Variants in SCMH1 observed in about 807,000 individuals in gnomAD.
SCMH1 encodes the protein polycomb protein SCMH1.
SCMH1 carries 37 observed loss-of-function variants against 70.8 expected under a neutral mutation model. That is an observed-to-expected ratio of 0.52 (90% CI 0.40 to 0.69). SCMH1 has a LOEUF of 0.69. Among genes scored for constraint, SCMH1 ranks in the 30% least tolerant of loss-of-function variants. The probability of loss-of-function intolerance (pLI) is 0.00; values close to 1 mark genes in which losing one functional copy is unlikely to be tolerated. For missense variants in SCMH1, 607 were observed against 827.3 expected, an observed-to-expected ratio of 0.73 and a Z score of 3.27; for synonymous variants, 292 against 307.4, an observed-to-expected ratio of 0.95 and a Z score of 0.52.
chr1:41,198,692 G>A (rs1253652307), intron 1 of SCMH1, among the ~76,000 whole-genome samples: 1 of 152,148 alleles, frequency 6.6e-6, no homozygotes, highest in Non-Finnish European at 1.5e-5. Context: ...CCATTTCAAA[G>A]CCCACCACAC....
chr1:41,088,466 A>G (rs1051333063), intron 8 of SCMH1, among the ~76,000 whole-genome samples: 4 of 152,174 alleles, frequency 2.6e-5, no homozygotes, highest in African/African-American at 9.7e-5. Context: ...AAATAAACTC[A>G]ACTATATTTT....
intron 3 of SCMH1, among the ~76,000 whole-genome samples, chr1:41,161,101 C>T (rs770570079): frequency 3.9e-5 from 6 of 152,158 alleles, no homozygotes; most frequent in Non-Finnish European, 8.8e-5. Flanking sequence ...CTTATACAAA[C>T]TATAGAAAAC....
intron 6 of SCMH1, among the ~76,000 whole-genome samples, chr1:41,117,289 G>A (rs1326416026): frequency 1.3e-5 from 2 of 152,124 alleles, no homozygotes; most frequent in South Asian, 2.1e-4. Flanking sequence ...AGGCCATACA[G>A]AGATAGGAGC....
chr1:41,120,552 C>T (rs1671672463), intron 6 of SCMH1, among the ~76,000 whole-genome samples: 1 of 152,108 alleles, frequency 6.6e-6, no homozygotes, highest in Admixed American at 6.6e-5. Context: ...AGTACAGGGG[C>T]AAAGCAGAAA....
At chr1:41,037,460 G>T (rs775220847) in exon 13 of SCMH1, 3 of 1,614,260 alleles carry the variant, frequency 1.9e-6, no homozygotes, top group Non-Finnish European at 2.5e-6. Flanking sequence ...GACAAGGTTG[G>T]TGGGATTTGA....
chr1:41,087,519 G>GA (rs145525916), intron 8 of SCMH1, among the ~76,000 whole-genome samples: 12,157 of 144,096 alleles, frequency 0.084, 590 homozygotes, highest in South Asian at 0.13. Flanking sequence ...ACCTGTAAAA[G>GA]AAAAAAAAAA....
intron 1 of SCMH1, among the ~76,000 whole-genome samples, chr1:41,210,185 A>G (rs1452005799): frequency 6.6e-6 from 1 of 152,208 alleles, no homozygotes; most frequent in African/African-American, 2.4e-5. Flanking sequence ...AGAACTACAA[A>G]CCACTGCTCA....
rs199817286 is a variant in SCMH1, at chr1:41,127,645, T to C, written c.413-10635A>G. 5.3e-5 allele frequency among the ~76,000 whole-genome samples: 8 copies of C among 152,222 alleles called. No individual in the cohort carries two copies. The East Asian group carries it at 1.3e-3, about 26-fold the overall frequency. The stretch of plus-strand genomic sequence containing the variant: ...AATCTCCATCCCCCAAATTAATATG[T>C]TGAAGTCCTAATCCTCAATATAACT... On this transcript the variant is annotated intron_variant, in intron 6 of 14. Transcript: ENST00000337495.
At chr1:41,223,949 G>A (rs1054299724) in intron 1 of SCMH1, among the ~76,000 whole-genome samples, 8 of 152,074 alleles carry the variant, frequency 5.3e-5, no homozygotes, top group African/African-American at 9.7e-5. Flanking sequence ...TCCCCAGGAT[G>A]GTACAAAAAT....
At chr1:41,117,783 G>A (rs917292630) in intron 6 of SCMH1, among the ~76,000 whole-genome samples, 4 of 152,062 alleles carry the variant, frequency 2.6e-5, no homozygotes, top group Admixed American at 6.5e-5. Context: ...TCTCTGCCTC[G>A]GCTGCCAGGC....
chr1:41,146,017 T>G (rs1375653675), intron 5 of SCMH1, among the ~76,000 whole-genome samples: 1 of 152,148 alleles, frequency 6.6e-6, no homozygotes, highest in Non-Finnish European at 1.5e-5. Context: ...AAAAATAGCC[T>G]CAGGCAGCTC....
chr1:41,135,245 C>T (rs1643088739), intron 6 of SCMH1, among the ~76,000 whole-genome samples: 1 of 152,032 alleles, frequency 6.6e-6, no homozygotes, highest in Non-Finnish European at 1.5e-5. Context: ...TCTAGAATGA[C>T]ACTATTCAGT....
intron 2 of SCMH1, among the ~76,000 whole-genome samples, chr1:41,180,378 G>T (rs1264493069): frequency 6.6e-6 from 1 of 152,200 alleles, no homozygotes; most frequent in Non-Finnish European, 1.5e-5. Flanking sequence ...AATCAGACAG[G>T]AGAAGGAAAT....
chr1:41,184,539 A>T (rs895738278), intron 2 of SCMH1, among the ~76,000 whole-genome samples: 2 of 152,206 alleles, frequency 1.3e-5, no homozygotes, highest in South Asian at 2.1e-4. Flanking sequence ...AACAAATCAG[A>T]TAAAAGACCC....
intron 1 of SCMH1, among the ~76,000 whole-genome samples, chr1:41,212,157 T>TATAA (rs1341488407): frequency 2.0e-5 from 3 of 152,068 alleles, no homozygotes; most frequent in Non-Finnish European, 4.4e-5. Flanking sequence ...GAACTTAAAG[T>TATAA]ATAAATAAAT....
chr1:41,080,234 TAAA>T (rs1001386711), intron 8 of SCMH1, among the ~76,000 whole-genome samples: 2 of 152,100 alleles, frequency 1.3e-5, no homozygotes, highest in African/African-American at 4.8e-5. Context: ...CAATTGCAAT[TAAA>T]AATCTTTCCA....
intron 5 of SCMH1, among the ~76,000 whole-genome samples, chr1:41,145,876 A>G (rs942871813): frequency 6.6e-6 from 1 of 152,256 alleles, no homozygotes; most frequent in Non-Finnish European, 1.5e-5. Flanking sequence ...GTATAAAAGT[A>G]TAGCACATAC....
intron 1 of SCMH1, among the ~76,000 whole-genome samples, chr1:41,233,338 T>C (rs564019897): frequency 6.6e-6 from 1 of 152,352 alleles, no homozygotes; most frequent in South Asian, 2.1e-4. Context: ...CATCCCATTC[T>C]GAAAAATCCA....
intron 5 of SCMH1, among the ~76,000 whole-genome samples, chr1:41,144,252 A>C (rs1644357096): frequency 6.6e-6 from 1 of 152,184 alleles, no homozygotes. Flanking sequence ...CAGTGGAGTC[A>C]TTCCCCATTA....
Sources: allele counts gnomAD v4.1 joint callset (sites outside exome capture counted in the v4.1 genomes callset), GRCh38; gene constraint gnomAD v4.1.1; transcripts MANE v1.5; gene names NCBI Gene and HGNC (gene_info 2026-07-23, HGNC 2026-07-21).